Variants in CCDC39 observed in about 807,000 individuals in gnomAD.
CCDC39 encodes the protein coiled-coil domain-containing protein 39.
In CCDC39, 113 loss-of-function variants were observed where a neutral mutation model predicts 121.0. That is an observed-to-expected ratio of 0.93 (90% CI 0.80 to 1.09). The LOEUF is 1.09. Among genes scored for constraint, CCDC39 ranks in the 50% least tolerant of loss-of-function variants. The probability of loss-of-function intolerance (pLI) is 0.00; values close to 1 mark genes in which losing one functional copy is unlikely to be tolerated. For synonymous variants in CCDC39, 349 were observed against 352.2 expected (o/e 0.99, Z 0.10); for missense variants, 1,063 against 1,074.7 (o/e 0.99, Z 0.15).
chr3:180,646,083 AT>A (rs979766653), intron 11 of CCDC39, among the ~76,000 whole-genome samples: 2 of 152,100 alleles, frequency 1.3e-5, no homozygotes, highest in African/African-American at 2.4e-5. Flanking sequence ...AATAATATTA[AT>A]TTTTCCCCCA....
chr3:180,617,502 G>C, intron 16 of CCDC39: 1 of 672,750 alleles, frequency 1.5e-6, no homozygotes. Context: ...TGACCCTGAA[G>C]ACCTTCAAGT....
intron 7 of CCDC39, among the ~76,000 whole-genome samples, chr3:180,652,566 T>C (rs1402034270): frequency 6.6e-6 from 1 of 152,138 alleles, no homozygotes; most frequent in Non-Finnish European, 1.5e-5. Flanking sequence ...AAAGTCCAGA[T>C]AAGCTAATAT....
chr3:180,654,643 A>G, intron 7 of CCDC39, 119 bp downstream of exon 7: 1 of 588,308 alleles, frequency 1.7e-6, no homozygotes, highest in Non-Finnish European at 2.6e-6. Context: ...AAAAAGAAAA[A>G]GGAAAAAAAA....
In CCDC39 at chr3:180,654,905, T is replaced by C. The variant is rs1191465329; in HGVS notation, c.787A>G (p.Lys263Glu). Reference sequence around the variant, plus strand: ...CTTTCCAAAAACTTGATCTTTTCTTTAACCAAATTTTCTTTTTCTCTCGTT... The same window carrying C: ...CTTTCCAAAAACTTGATCTTTTCTTCAACCAAATTTTCTTTTTCTCTCGTT... Reference protein sequence around the residue: ...QETREKENLVKEKIKFLESEI... With the variant: ...QETREKENLVEEKIKFLESEI... Residue 263 changes from lysine to glutamate, a missense_variant, in exon 7 of 20, where the codon AAA (lysine) becomes GAA (glutamate). By Grantham distance (56) the Lys-to-Glu change is moderately conservative. Coordinates refer to ENST00000476379, the MANE Select transcript of CCDC39 (RefSeq NM_181426.2). 7 of 1,589,942 alleles carry C rather than the reference T, an allele frequency of 4.4e-6. No individual in the cohort carries two copies. The Admixed American group carries it at 5.4e-5, about 12-fold the overall frequency.
At chr3:180,617,503 A>G in intron 16 of CCDC39, 1 of 671,392 alleles carries the variant, frequency 1.5e-6, no homozygotes, top group East Asian at 2.7e-5. Context: ...GACCCTGAAG[A>G]CCTTCAAGTG....
intron 1 of CCDC39, among the ~76,000 whole-genome samples, chr3:180,675,709 A>T (rs1022192866): frequency 2.6e-5 from 4 of 152,188 alleles, no homozygotes; most frequent in African/African-American, 9.7e-5. Context: ...CCAAAAAAAC[A>T]AAGCTGGAGG....
At chr3:180,653,863 A>G (rs1711521104) in intron 7 of CCDC39, among the ~76,000 whole-genome samples, 1 of 152,186 alleles carries the variant, frequency 6.6e-6, no homozygotes, top group African/African-American at 2.4e-5. Flanking sequence ...TACTTTAAAT[A>G]ATCTCTTGAT....
intron 1 of CCDC39, among the ~76,000 whole-genome samples, chr3:180,670,368 A>T (rs1712005898): frequency 6.6e-6 from 1 of 152,020 alleles, no homozygotes; most frequent in Non-Finnish European, 1.5e-5. Context: ...GACATTAAAC[A>T]AAAGCTGACA....
intron 14 of CCDC39, among the ~76,000 whole-genome samples, chr3:180,625,056 CG>C (rs1433425212): frequency 6.6e-6 from 1 of 152,038 alleles, no homozygotes; most frequent in Non-Finnish European, 1.5e-5. Flanking sequence ...TCTTGTGTCT[CG>C]GCGTCTAACT....
At chr3:180,615,202 T>C in intron 19 of CCDC39, 125 bp from the exon 20 acceptor site, 1 of 638,992 alleles carries the variant, frequency 1.6e-6, no homozygotes, top group Non-Finnish European at 2.5e-6. Flanking sequence ...ATATTAATAG[T>C]GTTAAGTTTT....
In CCDC39 at chr3:180,647,090, T is replaced by G; in HGVS notation, c.1516A>C (p.Lys506Gln). The change falls in exon 11 of 20, where the codon AAG (lysine) becomes CAG (glutamine). Residue 506 changes from lysine to glutamine, a missense_variant. Transcript: ENST00000476379. ...STCGLLETQI[K>Q]KLHNDLYFIK... The stretch of plus-strand genomic sequence containing the variant: ...TTTGGCTAAGTTACATGAAGCTTCT[T>G]GATCTGTGTTTCCAAAAGGCCACAT... 1 of 1,606,534 alleles carries G rather than the reference T, an allele frequency of 6.2e-7. No homozygotes were observed. The highest frequency in any genetic ancestry group is 8.5e-7 in the Non-Finnish European group (1 of 1,177,818).
At chr3:180,626,938 C>A (rs1717577769) in intron 14 of CCDC39, among the ~76,000 whole-genome samples, 1 of 152,182 alleles carries the variant, frequency 6.6e-6, no homozygotes, top group Non-Finnish European at 1.5e-5. Context: ...CATCAAGAAA[C>A]AGAATCCACT....
intron 1 of CCDC39, among the ~76,000 whole-genome samples, chr3:180,667,290 T>C (rs1054571448): frequency 3.9e-5 from 6 of 152,154 alleles, no homozygotes; most frequent in African/African-American, 1.4e-4. Flanking sequence ...AACTATTCTA[T>C]CAAAATAAGG....
chr3:180,660,812 C>T (rs73885309), intron 3 of CCDC39, 84 bp from the exon 4 acceptor site: 1 of 1,212,932 alleles, frequency 8.2e-7, no homozygotes, highest in African/African-American at 1.5e-5. Context: ...CCTTTATATA[C>T]TATGGAGCAA....
intron 2 of CCDC39, among the ~76,000 whole-genome samples, chr3:180,663,471 G>A (rs1484512866): frequency 2.6e-5 from 4 of 151,928 alleles, no homozygotes; most frequent in East Asian, 1.9e-4. Flanking sequence ...TCAGGAGTTC[G>A]AGACCAGCCT....
Position 180,663,946 on chromosome 3 carries a change from T to C in CCDC39, c.131A>G (p.Glu44Gly). 6.2e-7 allele frequency: 1 copy of C among 1,612,062 alleles called. No homozygotes were observed. The highest frequency in any genetic ancestry group is 1.7e-4 in the Middle Eastern group (1 of 6,050). The change falls in exon 2 of 20, where the codon GAG (glutamate) becomes GGG (glycine). Residue 44 changes from glutamate to glycine, a missense_variant. Transcript: ENST00000476379. ...AATTCGCTCTTCATACTCACGTAACTCATCTTGCAAGCTTGCTCTTTCATC... is the reference window on the plus strand; with the variant it reads ...AATTCGCTCTTCATACTCACGTAACCCATCTTGCAAGCTTGCTCTTTCATC... ...LKDERASLQD[E>G]LREYEERINS...
intron 14 of CCDC39, among the ~76,000 whole-genome samples, chr3:180,630,981 G>A (rs1717678481): frequency 6.6e-6 from 1 of 152,138 alleles, no homozygotes; most frequent in South Asian, 2.1e-4. Context: ...AGAGTGGGTG[G>A]CTATAGTGAA....
intron 14 of CCDC39, among the ~76,000 whole-genome samples, chr3:180,620,974 G>A (rs564616137): frequency 2.0e-5 from 3 of 152,066 alleles, no homozygotes; most frequent in African/African-American, 7.2e-5. Flanking sequence ...ACCTCCATGT[G>A]TACGCGTTAT....
intron 1 of CCDC39, among the ~76,000 whole-genome samples, chr3:180,669,829 A>G (rs1204843344): frequency 6.6e-6 from 1 of 152,190 alleles, no homozygotes; most frequent in African/African-American, 2.4e-5. Flanking sequence ...AAAAATTTTT[A>G]AAAATGTACA....
Sources: gnomAD v4.1 joint callset for allele counts (sites outside exome capture counted in the v4.1 genomes callset) on GRCh38, gnomAD v4.1.1 for gene constraint, MANE v1.5 for transcripts, NCBI Gene and HGNC (gene_info 2026-07-23, HGNC 2026-07-21) for gene names.